Variants in INPP4A observed in about 807,000 individuals in gnomAD.
INPP4A encodes inositol polyphosphate-4-phosphatase, type I, 107kD.
In INPP4A, 33 loss-of-function variants were observed where a neutral mutation model predicts 119.8. The observed-to-expected ratio is 0.28, with a 90% CI of 0.21 to 0.37. INPP4A has a LOEUF of 0.37. Among genes scored for constraint, INPP4A ranks in the 10% least tolerant of loss-of-function variants. The pLI is 1.00. For missense variants in INPP4A, 956 were observed against 1,289.9 expected (o/e 0.74, Z 3.97); for synonymous variants, 496 against 500.7 (o/e 0.99, Z 0.12).
At chr2:98,531,543 T>C (rs1574944168) in intron 4 of INPP4A, among the ~76,000 whole-genome samples, 1 of 152,170 alleles carries the variant, frequency 6.6e-6, no homozygotes, top group Admixed American at 6.5e-5. Context: ...AAAACAAATG[T>C]ACCTAGGCAC....
intron 1 of INPP4A, among the ~76,000 whole-genome samples, chr2:98,512,145 A>C (rs1488386973): frequency 6.6e-6 from 1 of 152,254 alleles, no homozygotes; most frequent in African/African-American, 2.4e-5. Context: ...CTGACAGCCC[A>C]TGTACTGAGC....
chr2:98,470,754 G>A (rs1305478887), intron 1 of INPP4A, among the ~76,000 whole-genome samples: 1 of 151,852 alleles, frequency 6.6e-6, no homozygotes, highest in Non-Finnish European at 1.5e-5. Flanking sequence ...TGCAAGCTCC[G>A]CCTCCCGGGT....
chr2:98,572,288 A>G (rs1272443949), intron 22 of INPP4A, among the ~76,000 whole-genome samples: 2 of 152,152 alleles, frequency 1.3e-5, no homozygotes, highest in Non-Finnish European at 2.9e-5. Context: ...AGAGTGGAGG[A>G]GGAGCTGTTA....
intron 13 of INPP4A, among the ~76,000 whole-genome samples, chr2:98,548,102 G>A (rs1007787290): frequency 1.3e-5 from 2 of 151,120 alleles, no homozygotes; most frequent in Admixed American, 6.6e-5. Flanking sequence ...AGCTAGGGGC[G>A]TCACTGATCA....
chr2:98,534,452 A>G (rs1239444982), intron 5 of INPP4A, among the ~76,000 whole-genome samples: 2 of 152,186 alleles, frequency 1.3e-5, no homozygotes, highest in Non-Finnish European at 2.9e-5. Flanking sequence ...GTGGGGCTTC[A>G]TGAAATTCTA....
At chr2:98,564,606 T>A in intron 18 of INPP4A, 34 bp from the exon 19 acceptor site, 1 of 1,611,778 alleles carries the variant, frequency 6.2e-7, no homozygotes. Flanking sequence ...AGCAGGCACC[T>A]GACCCTGAAC....
chr2:98,578,722 A>T (rs568960617), intron 24 of INPP4A, among the ~76,000 whole-genome samples: 5 of 152,258 alleles, frequency 3.3e-5, no homozygotes, highest in African/African-American at 1.2e-4. Context: ...AGCACTTTTT[A>T]TAACTTTTAC....
intron 1 of INPP4A, among the ~76,000 whole-genome samples, chr2:98,460,034 G>T (rs1696860524): frequency 6.6e-6 from 1 of 152,064 alleles, no homozygotes; most frequent in South Asian, 2.1e-4. Context: ...TTTTGTCCAG[G>T]TGGCTGGAAC....
In INPP4A at chr2:98,566,164, C is replaced by CGAGAG; in HGVS notation, c.2417_2420+1dup. On this transcript the variant is annotated frameshift_variant, in exon 21 of 25. Transcript: ENST00000409851. LOFTEE classifies it high-confidence loss of function. The surrounding 1 kb of genome is among the most constrained non-coding windows in gnomAD (Gnocchi z 4.2). The stretch of plus-strand genomic sequence containing the variant: ...GCATCAATGAGCAGCAGACACTGGC[C>CGAGAG]GAGAGGTGCGTGCCGGCTCCTCGGG... The CGAGAG allele has an allele frequency of 6.3e-7, 1 of 1,589,998 alleles. No individual in the cohort carries two copies. Among genetic ancestry groups the CGAGAG allele is most frequent in the Non-Finnish European group, 8.6e-7 (1 of 1,165,524 alleles).
chr2:98,495,939 G>A (rs779036184), intron 1 of INPP4A, among the ~76,000 whole-genome samples: 2 of 152,164 alleles, frequency 1.3e-5, no homozygotes, highest in Non-Finnish European at 2.9e-5. Flanking sequence ...TTCATAGTAT[G>A]TCAAATAAAT....
rs577644455 is a variant in INPP4A at position 98,533,592 on chromosome 2, C to A, written c.270+97C>A. The A allele has an allele frequency of 7.0e-5, 53 of 760,526 alleles. 1 individual carries two copies. The South Asian group carries it at 8.0e-4, about 12-fold the overall frequency. The allele number at this position is 760,526 out of a possible 1,614,324, so 47.1% of individuals were successfully genotyped here. A position where few individuals can be genotyped will look rare whatever the true frequency, so the allele number is the denominator to read the frequency against. On this transcript the variant is annotated intron_variant, in intron 5 of 24. Coordinates refer to ENST00000409851, the MANE Select transcript of INPP4A (RefSeq NM_001134225.2). ...GTTACTTGTGCATCTGTAGCTGAAG[C>A]TGTATTTACGTGAGTTGTTGCTATT... is the stretch of plus-strand genomic sequence containing the variant.
chr2:98,453,279 G>A (rs1464961121), intron 1 of INPP4A, among the ~76,000 whole-genome samples: 1 of 152,156 alleles, frequency 6.6e-6, no homozygotes, highest in Admixed American at 6.5e-5. Context: ...CGGAAGGAAG[G>A]GCACCTGAGG....
intron 1 of INPP4A, among the ~76,000 whole-genome samples, chr2:98,456,847 T>G (rs901279164): frequency 7.2e-5 from 11 of 152,168 alleles, no homozygotes; most frequent in African/African-American, 2.7e-4. Flanking sequence ...AGGAAGATCT[T>G]TGTGTTTTGA....
At chr2:98,537,404 T>C (rs1298886300) in intron 7 of INPP4A, among the ~76,000 whole-genome samples, 3 of 152,202 alleles carry the variant, frequency 2.0e-5, no homozygotes, top group Admixed American at 6.5e-5. Context: ...TGGATTCCAT[T>C]ACTTGGAGTC....
intron 2 of INPP4A, 75 bp from the exon 3 acceptor site, chr2:98,519,871 C>T (rs1400556710): frequency 1.5e-5 from 9 of 608,280 alleles, no homozygotes; most frequent in Middle Eastern, 2.9e-4. Context: ...CGGTAGGTCA[C>T]GTTCTTTCTA....
chr2:98,531,548 A>G (rs1210098650), intron 4 of INPP4A, among the ~76,000 whole-genome samples: 2 of 152,232 alleles, frequency 1.3e-5, no homozygotes, highest in Non-Finnish European at 2.9e-5. Flanking sequence ...AAATGTACCT[A>G]GGCACATCAT....
chr2:98,568,870 G>A (rs1277642248), intron 22 of INPP4A: 14 of 549,222 alleles, frequency 2.5e-5, no homozygotes, highest in African/African-American at 5.7e-5. Context: ...CTTTGCTGTC[G>A]ATTCTCTACT....
At chr2:98,451,814 A>C (rs1695274789) in intron 1 of INPP4A, among the ~76,000 whole-genome samples, 1 of 152,180 alleles carries the variant, frequency 6.6e-6, no homozygotes, top group African/African-American at 2.4e-5. Flanking sequence ...GGAAATGTGA[A>C]GGAAGTATTT....
rs992678026 is a variant in INPP4A, at chr2:98,554,609, A to C, written c.1566+120A>C. 3.5e-6 allele frequency: 3 copies of C among 858,554 alleles called. No individual in the cohort carries two copies. The African/African-American group carries it at 5.1e-5, about 15-fold the overall frequency. The allele number at this position is 858,554 out of a possible 1,614,324, so 53.2% of individuals were successfully genotyped here. A position where few individuals can be genotyped will look rare whatever the true frequency, so the allele number is the denominator to read the frequency against. On this transcript the variant is annotated intron_variant, in intron 15 of 24. Transcript: ENST00000409851. This position sits in a 1 kb window ranked among gnomAD's most constrained non-coding sequence, Gnocchi z 4.7. ...GGTTCAACTGCTGTGAACAAGCTCC[A>C]GGTTTCCTTCCTGGATGGCTCCTTG...
Sources: gnomAD v4.1 joint callset for allele counts (sites outside exome capture counted in the v4.1 genomes callset) on GRCh38, gnomAD v4.1.1 for gene constraint, Gnocchi (gnomAD v3.1) non-coding constraint, MANE v1.5 for transcripts, NCBI Gene and HGNC (gene_info 2026-07-23, HGNC 2026-07-21) for gene names.